CCDC183: variants seen among roughly 807,000 people sequenced by gnomAD.
CCDC183 encodes the protein coiled-coil domain-containing protein 183.
Under a neutral mutation model 65.2 loss-of-function variants are expected in CCDC183, and 63 were observed. The observed-to-expected ratio is 0.97, with a 90% CI of 0.79 to 1.19. The LOEUF is 1.19. CCDC183 is among the 50% of genes most tolerant of loss of function. The probability of loss-of-function intolerance (pLI) is 0.00; values close to 1 mark genes in which losing one functional copy is unlikely to be tolerated. For synonymous variants in CCDC183, 323 were observed against 276.5 expected (o/e 1.17, Z -1.67); for missense variants, 769 against 689.3 (o/e 1.12, Z -1.30).
Position 136,799,990 on chromosome 9 carries a change from T to A in CCDC183, c.271-12T>A. 6.3e-7 allele frequency: 1 copy of A among 1,579,388 alleles called. No individual in the cohort carries two copies. The highest frequency in any genetic ancestry group is 8.6e-7 in the Non-Finnish European group (1 of 1,163,292). On this transcript the variant is annotated splice_polypyrimidine_tract_variant and intron_variant, in intron 3 of 13. Transcript: ENST00000338005. ...ACGCAACCACGAGTGGGCGGTGCCC[T>A]TCCCGACCCAGGTGGTGCGGGAGAA...
chr9:136,804,940 A>G lies in CCDC183; in HGVS notation c.847+124A>G. 1 of 797,420 alleles carries G rather than the reference A, an allele frequency of 1.3e-6. No homozygotes were observed. The highest frequency in any genetic ancestry group is 2.0e-6 in the Non-Finnish European group (1 of 490,934). 49.4% of individuals were successfully genotyped at this position (797,420 alleles called of 1,614,324 possible). On this transcript the variant is annotated intron_variant, in intron 8 of 13. Transcript: ENST00000338005. The surrounding 1 kb of genome is among the most constrained non-coding windows in gnomAD (Gnocchi z 4.1). Reference sequence around the variant, plus strand: ...ACATGTGGTCGCCAGGGTGAAGGGAAGGACAGGTCCCTGCCTCTCCCTCCA... The same window carrying G: ...ACATGTGGTCGCCAGGGTGAAGGGAGGGACAGGTCCCTGCCTCTCCCTCCA...
In CCDC183 at chr9:136,805,165, C is replaced by T. The variant is rs934381286; in HGVS notation, c.848-192C>T. On this transcript the variant is annotated intron_variant, in intron 8 of 13. Transcript: ENST00000338005. ...CTCCGGGTCCACCTCTGCTCTGGGGCTGCCTGGGGCGTCCCTGCAGGGCTG... is the reference window on the plus strand; with the variant it reads ...CTCCGGGTCCACCTCTGCTCTGGGGTTGCCTGGGGCGTCCCTGCAGGGCTG... The T allele has an allele frequency of 4.7e-5, 28 of 601,690 alleles. No individual in the cohort carries two copies. In the African/African-American group the frequency reaches 5.0e-4, roughly 11 times the overall value. 37.3% of individuals were successfully genotyped at this position (601,690 alleles called of 1,614,324 possible). A position where few individuals can be genotyped will look rare whatever the true frequency, so the allele number is the denominator to read the frequency against.
Position 136,804,728 on chromosome 9 carries a change from G to A in CCDC183, c.793-34G>A, listed in dbSNP as rs776469082. 8 of 1,613,460 alleles carry A rather than the reference G, an allele frequency of 5.0e-6. No individual in the cohort carries two copies. Among genetic ancestry groups the A allele is most frequent in the South Asian group, 2.2e-5 (2 of 91,050 alleles). On this transcript the variant is annotated intron_variant, in intron 7 of 13. Coordinates refer to ENST00000338005, the MANE Select transcript of CCDC183 (RefSeq NM_001039374.5). The surrounding 1 kb of genome is among the most constrained non-coding windows in gnomAD (Gnocchi z 4.1). The stretch of plus-strand genomic sequence containing the variant: ...TCAGGGCCCACTCCCTGCCAAGGAT[G>A]TCTCATCCCTTCCCCGCCCCCACCT...
At chr9:136,806,717 A>G in intron 11 of CCDC183, 40 bp from the exon 12 acceptor site, 1 of 1,613,352 alleles carries the variant, frequency 6.2e-7, no homozygotes, top group Non-Finnish European at 8.5e-7. Context: ...GTCCCTGGGC[A>G]GGGCCAGAGG....
Position 136,804,184 on chromosome 9 carries a change from G to C in CCDC183, c.667-318G>C, listed in dbSNP as rs561067968. 1.8e-3 allele frequency: 559 copies of C among 311,030 alleles called. 1 individual carries two copies. The highest frequency in any genetic ancestry group is 3.2e-3 in the Admixed American group (73 of 23,138). The allele number at this position is 311,030 out of a possible 1,614,324, so 19.3% of individuals were successfully genotyped here. ...CTGGAAGAGGCCAGGTTTTGGGGAA[G>C]AGGATGAATCTGTCTTCAGGCAGGC... On this transcript the variant is annotated intron_variant, in intron 6 of 13. Transcript: ENST00000338005. This position sits in a 1 kb window ranked among gnomAD's most constrained non-coding sequence, Gnocchi z 4.1.
At chr9:136,802,529 CG>C in intron 5 of CCDC183, 134 bp from the exon 6 acceptor site, 2 of 1,255,390 alleles carry the variant, frequency 1.6e-6, no homozygotes, top group Non-Finnish European at 2.2e-6. Context: ...TTGTGCCCAG[CG>C]GGGAGTGGGG....
intron 10 of CCDC183, 55 bp from the exon 11 acceptor site, chr9:136,806,449 A>G (rs1847851465): frequency 1.2e-6 from 2 of 1,606,980 alleles, no homozygotes; most frequent in African/African-American, 2.7e-5. Context: ...TGGGTGGCCC[A>G]CCATGGCTCT....
chr9:136,797,046 GTC>G (rs1009236342), intron 1 of CCDC183, among the ~76,000 whole-genome samples: 2 of 152,200 alleles, frequency 1.3e-5, no homozygotes, highest in African/African-American at 2.4e-5. Flanking sequence ...GGAATGGAAT[GTC>G]TCAGTGTAAA....
intron 1 of CCDC183, among the ~76,000 whole-genome samples, chr9:136,798,745 G>T (rs187774670): frequency 6.6e-6 from 1 of 152,300 alleles, no homozygotes; most frequent in East Asian, 1.9e-4. Flanking sequence ...TCAAGGAGAC[G>T]TGAGCATAAG....
Position 136,799,803 on chromosome 9 carries a change from G to C in CCDC183, c.270+13G>C. On this transcript the variant is annotated intron_variant, in intron 3 of 13. Coordinates refer to ENST00000338005, the MANE Select transcript of CCDC183 (RefSeq NM_001039374.5). ...CAGCACCATGGAGGTAACCAGGCAG[G>C]AGGGGCCTCGAGACCCAACCCTCCC... 6.2e-7 allele frequency: 1 copy of C among 1,609,980 alleles called. No homozygotes were observed. The highest frequency in any genetic ancestry group is 8.5e-7 in the Non-Finnish European group (1 of 1,177,816).
chr9:136,806,915 C>T, intron 12 of CCDC183, 48 bp downstream of exon 12: 1 of 1,613,372 alleles, frequency 6.2e-7, no homozygotes. Flanking sequence ...CCCCTCAAAG[C>T]TGACAGGCTC....
At chr9:136,800,363 C>G (rs1177709372) in intron 4 of CCDC183, 26 bp from the exon 5 acceptor site, 2 of 1,588,190 alleles carry the variant, frequency 1.3e-6, no homozygotes, top group East Asian at 4.5e-5. Flanking sequence ...CCCACGCCCT[C>G]TCACTGCGCC....
chr9:136,799,217 CAAG>C lies in CCDC183; in HGVS notation c.190_192del (p.Lys64del), dbSNP rs776454199. 1 of 1,601,632 alleles carries C rather than the reference CAAG, an allele frequency of 6.2e-7. No homozygotes were observed. The highest frequency in any genetic ancestry group is 1.1e-5 in the South Asian group (1 of 89,486). On this transcript the variant is annotated inframe_deletion, in exon 2 of 14. Coordinates refer to ENST00000338005, the MANE Select transcript of CCDC183 (RefSeq NM_001039374.5). ...GCGGGGCCCAGGACTGGGCTTTGGC[CAAG>C]AAGGTACACAAACGCCGCCCCTCCC...
At chr9:136,800,579 C>T (rs1847723840) in intron 5 of CCDC183, 86 bp downstream of exon 5, 1 of 983,234 alleles carries the variant, frequency 1.0e-6, no homozygotes, top group Non-Finnish European at 1.5e-6. Context: ...CCGCCCCGCA[C>T]CCGCCAGGGA....
Position 136,806,868 on chromosome 9 carries a change from G to A in CCDC183, c.1389+1G>A. The A allele has an allele frequency of 6.2e-7, 1 of 1,613,406 alleles. No homozygotes were observed. Among genetic ancestry groups the A allele is most frequent in the Non-Finnish European group, 8.5e-7 (1 of 1,179,994 alleles). ...GCAGATGGTGTCCAGGACCGAGGAG[G>A]TAGCCCCGGGCTGGGAGGAACCTGC... is the stretch of plus-strand genomic sequence containing the variant. On this transcript the variant is annotated splice_donor_variant, in intron 12 of 13. Coordinates refer to ENST00000338005, the MANE Select transcript of CCDC183 (RefSeq NM_001039374.5). LOFTEE classifies it high-confidence loss of function.
In CCDC183 at chr9:136,799,998, C is replaced by T; in HGVS notation, c.271-4C>T. On this transcript the variant is annotated splice_region_variant and splice_polypyrimidine_tract_variant and intron_variant, in intron 3 of 13. Transcript: ENST00000338005. ...ACGAGTGGGCGGTGCCCTTCCCGAC[C>T]CAGGTGGTGCGGGAGAAGCTGCGCA... 1.3e-6 allele frequency: 2 copies of T among 1,582,348 alleles called. No individual in the cohort carries two copies. Among genetic ancestry groups the T allele is most frequent in the Non-Finnish European group, 8.6e-7 (1 of 1,164,544 alleles).
intron 8 of CCDC183, 128 bp from the exon 9 acceptor site, chr9:136,805,229 T>G: frequency 1.4e-6 from 1 of 722,526 alleles, no homozygotes. Context: ...GGCAGGCATC[T>G]CTGAAGGATG....
At chr9:136,801,574 T>C (rs1847737660) in intron 5 of CCDC183, among the ~76,000 whole-genome samples, 1 of 151,474 alleles carries the variant, frequency 6.6e-6, no homozygotes, top group African/African-American at 2.4e-5. Flanking sequence ...GGCATGGTGG[T>C]GCATGCCTGT....
At position 136,806,779 on chromosome 9, in the gene CCDC183, C is replaced by A. The variant is rs1252705253; in HGVS notation, c.1301C>A (p.Thr434Asn). 1 of 1,613,622 alleles carries A rather than the reference C, an allele frequency of 6.2e-7. No homozygotes were observed. The highest frequency in any genetic ancestry group is 1.1e-5 in the South Asian group (1 of 91,084). Residue 434 changes from threonine (T) to asparagine (N), a missense_variant, in exon 12 of 14, where the codon ACC (threonine) becomes AAC (asparagine). By Grantham distance (65) the Thr-to-Asn change is moderately conservative (BLOSUM62 0). Coordinates refer to ENST00000338005, the MANE Select transcript of CCDC183 (RefSeq NM_001039374.5). ...ATQREVVLSN[T>N]LDLNSKLAYC... Reference sequence around the variant, plus strand: ...CAGAGAGAAGTGGTGCTCTCCAACACCCTCGATTTGAACAGCAAGCTGGCG... The same window carrying A: ...CAGAGAGAAGTGGTGCTCTCCAACAACCTCGATTTGAACAGCAAGCTGGCG...
Sources: gnomAD v4.1 joint callset for allele counts (sites outside exome capture counted in the v4.1 genomes callset) on GRCh38, gnomAD v4.1.1 for gene constraint, Gnocchi (gnomAD v3.1) non-coding constraint, MANE v1.5 for transcripts, NCBI Gene and HGNC (gene_info 2026-07-23, HGNC 2026-07-21) for gene names.